AHI1: variants seen among roughly 807,000 people sequenced by gnomAD.
AHI1 encodes jouberin.
In AHI1, 123 loss-of-function variants were observed where a neutral mutation model predicts 149.3. The observed-to-expected ratio is 0.82, with a 90% confidence interval of 0.71 to 0.96. AHI1 has a LOEUF of 0.96. Ranked by LOEUF, AHI1 falls within the 40% of genes least tolerant of loss-of-function variation. The probability of loss-of-function intolerance (pLI) is 0.00; values close to 1 mark genes in which losing one functional copy is unlikely to be tolerated. For missense variants in AHI1, 1,439 were observed against 1,422.7 expected (o/e 1.01, Z -0.18); for synonymous variants, 475 against 459.8 (o/e 1.03, Z -0.42).
intron 23 of AHI1, 119 bp downstream of exon 23, chr6:135,394,657 T>C: frequency 3.7e-6 from 5 of 1,352,334 alleles, no homozygotes; most frequent in Non-Finnish European, 5.1e-6. Flanking sequence ...TAGAATATAA[T>C]TTGTCAAGTG....
At position 135,285,650 on chromosome 6, in the gene AHI1, G is replaced by T; in HGVS notation, c.3589-3C>A. ...CTTAACTTTTCTTCAATTCTTTACT[G>T]GAAAGAAAAATACACAAAATGTACT... On this transcript the variant is annotated splice_polypyrimidine_tract_variant and splice_region_variant and intron_variant, in intron 28 of 28. Coordinates refer to ENST00000265602, the MANE Select transcript of AHI1 (RefSeq NM_001134831.2). 1 of 1,604,756 alleles carries T rather than the reference G, an allele frequency of 6.2e-7. No individual in the cohort carries two copies.
At chr6:135,328,697 T>C (rs1388870543) in intron 24 of AHI1, among the ~76,000 whole-genome samples, 5 of 151,874 alleles carry the variant, frequency 3.3e-5, no homozygotes, top group Non-Finnish European at 7.4e-5. Flanking sequence ...ATGAAAAGAG[T>C]TGCAAGTCCT....
chr6:135,293,907 T>C (rs1221689960), intron 27 of AHI1, among the ~76,000 whole-genome samples: 1 of 152,182 alleles, frequency 6.6e-6, no homozygotes, highest in Non-Finnish European at 1.5e-5. Context: ...ACCCTAAATA[T>C]TAAATAGCCA....
intron 15 of AHI1, among the ~76,000 whole-genome samples, chr6:135,437,277 G>C (rs1358916636): frequency 3.3e-5 from 5 of 152,190 alleles, no homozygotes; most frequent in African/African-American, 1.2e-4. Flanking sequence ...GGATTCCTCA[G>C]CAGAGATGAC....
chr6:135,398,777 T>G (rs1310914667), intron 22 of AHI1, among the ~76,000 whole-genome samples: 1 of 152,192 alleles, frequency 6.6e-6, no homozygotes, highest in Non-Finnish European at 1.5e-5. Flanking sequence ...TATGAAAGAA[T>G]GGACCTCTCC....
At chr6:135,460,647 A>G (rs1789725250) in intron 8 of AHI1, among the ~76,000 whole-genome samples, 1 of 152,214 alleles carries the variant, frequency 6.6e-6, no homozygotes, top group African/African-American at 2.4e-5. Context: ...CAGATGAAGA[A>G]GGAAAAACCT....
At chr6:135,482,894 C>CTGTTTTTTTTTTTTTTTTTTTTTTTTTTT in intron 5 of AHI1, among the ~76,000 whole-genome samples, 1 of 55,734 alleles carries the variant, frequency 1.8e-5, no homozygotes, top group African/African-American at 9.3e-5. Flanking sequence ...CCATTTAAGG[C>CTGTTTTTTTTTTTTTTTTTTTTTTTTTTT]TTTTTTTTTT....
intron 26 of AHI1, among the ~76,000 whole-genome samples, chr6:135,310,796 A>C (rs776330670): frequency 6.6e-5 from 10 of 152,226 alleles, no homozygotes; most frequent in Non-Finnish European, 1.2e-4. Context: ...CTGTACATCT[A>C]GCATTTATAT....
chr6:135,413,192 G>T lies in AHI1; in HGVS notation c.2765-1648C>A, dbSNP rs145013528. On this transcript the variant is annotated intron_variant, in intron 20 of 28. Coordinates refer to ENST00000265602, the MANE Select transcript of AHI1 (RefSeq NM_001134831.2). Reference sequence around the variant, plus strand: ...AAAAATTGAAAAATTAACCGGGCAGGGTACCATGTGCCTGTAGTTTCCAGC... The same window carrying T: ...AAAAATTGAAAAATTAACCGGGCAGTGTACCATGTGCCTGTAGTTTCCAGC... Among the ~76,000 whole-genome samples the T allele has an allele frequency of 2.5e-3, 386 of 151,970 alleles. 2 individuals carry two copies. Among genetic ancestry groups the T allele is most frequent in the African/African-American group, 8.7e-3 (359 of 41,446 alleles).
chr6:135,388,101 A>G (rs1167222720), intron 23 of AHI1: 3 of 1,553,054 alleles, frequency 1.9e-6, no homozygotes, highest in Non-Finnish European at 1.8e-6. Flanking sequence ...TTAGTACCAT[A>G]AAAGACATTT....
chr6:135,306,821 C>T (rs1784584577), intron 26 of AHI1: 1 of 152,170 alleles, frequency 6.6e-6, no homozygotes, highest in Non-Finnish European at 1.5e-5. Context: ...AATAATCCTG[C>T]TTTTATTTCC....
intron 15 of AHI1, 39 bp downstream of exon 15, chr6:135,438,336 C>A: frequency 6.6e-7 from 1 of 1,513,220 alleles, no homozygotes; most frequent in Non-Finnish European, 8.9e-7. Flanking sequence ...TCCTTGACAG[C>A]AAACAGCATG....
chr6:135,405,814 T>G (rs1184884574), intron 21 of AHI1, among the ~76,000 whole-genome samples: 1 of 139,844 alleles, frequency 7.2e-6, no homozygotes. Flanking sequence ...GAGCCAAGAT[T>G]GCGCCACTGC....
chr6:135,493,552 A>T (rs1375254143), intron 3 of AHI1, among the ~76,000 whole-genome samples: 1 of 152,230 alleles, frequency 6.6e-6, no homozygotes, highest in Admixed American at 6.5e-5. Context: ...TAATAAATCT[A>T]GTCTTCTACT....
At chr6:135,416,100 A>G (rs1421937847) in intron 20 of AHI1, among the ~76,000 whole-genome samples, 9 of 152,122 alleles carry the variant, frequency 5.9e-5, no homozygotes, top group Non-Finnish European at 1.0e-4. Context: ...AACTTATCAG[A>G]TAGTACATTT....
chr6:135,466,231 G>C lies in AHI1; in HGVS notation c.332C>G (p.Pro111Arg), dbSNP rs1790733155. The C allele has an allele frequency of 6.2e-7, 1 of 1,613,880 alleles. No individual in the cohort carries two copies. Among genetic ancestry groups the C allele is most frequent in the Non-Finnish European group, 8.5e-7 (1 of 1,179,852 alleles). Reference protein sequence around the residue: ...LRNTQLATENPNGDASVEEDK... With the variant: ...LRNTQLATENRNGDASVEEDK... Reference sequence around the variant, plus strand: ...TTCCTCTACACTAGCATCACCATTAGGATTTTCAGTTGCTAACTGTGTGTT... The same window carrying C: ...TTCCTCTACACTAGCATCACCATTACGATTTTCAGTTGCTAACTGTGTGTT... The change falls in exon 7 of 29, where the codon CCT (proline) becomes CGT (arginine). Residue 111 changes from proline to arginine, a missense_variant. By Grantham distance (103) the Pro-to-Arg change is moderately radical (BLOSUM62 -2). Coordinates refer to ENST00000265602, the MANE Select transcript of AHI1 (RefSeq NM_001134831.2).
intron 27 of AHI1, among the ~76,000 whole-genome samples, chr6:135,299,042 G>A (rs1783525282): frequency 6.6e-6 from 1 of 151,898 alleles, no homozygotes; most frequent in Non-Finnish European, 1.5e-5. Flanking sequence ...TTTTGTTGTT[G>A]AGTATACGCT....
At chr6:135,340,427 C>T (rs1279173175) in intron 24 of AHI1, among the ~76,000 whole-genome samples, 1 of 150,712 alleles carries the variant, frequency 6.6e-6, no homozygotes, top group African/African-American at 2.4e-5. Flanking sequence ...TAAGCAGTGT[C>T]CTGGGTTACT....
intron 23 of AHI1, among the ~76,000 whole-genome samples, chr6:135,361,001 T>G (rs1793775534): frequency 6.6e-6 from 1 of 152,244 alleles, no homozygotes; most frequent in Admixed American, 6.5e-5. Flanking sequence ...GCTATCTTAT[T>G]GCATTTCTTT....
Sources: gnomAD v4.1 joint callset for allele counts (sites outside exome capture counted in the v4.1 genomes callset) on GRCh38, gnomAD v4.1.1 for gene constraint, MANE v1.5 for transcripts, NCBI Gene and HGNC (gene_info 2026-07-23, HGNC 2026-07-21) for gene names.